The following CRLF2 variants were observed in gnomAD, a reference collection of about 807,000 sequenced individuals.
CRLF2 encodes the protein cytokine receptor-like factor 2.
CRLF2 carries 41 observed loss-of-function variants against 38.7 expected under a neutral mutation model. That is an observed-to-expected ratio of 1.06 (90% CI 0.83 to 1.37). CRLF2 has a LOEUF of 1.37. CRLF2 is among the 40% of genes most tolerant of loss of function. CRLF2 has a pLI of 0.00. For missense variants in CRLF2, 377 were observed against 322.2 expected (o/e 1.17, Z -1.30); for synonymous variants, 140 against 128.8 (o/e 1.09, Z -0.59).
At chrX:1,196,549 G>A (rs1336065996) in intron 6 of CRLF2, among the ~76,000 whole-genome samples, 6 of 151,660 alleles carry the variant, frequency 4.0e-5, no homozygotes, top group African/African-American at 1.2e-4. Context: ...TCTCGAACTC[G>A]TGACCTCGTG....
chrX:1,198,871 G>A (rs1248232456), intron 4 of CRLF2, 147 bp from the exon 5 acceptor site: 44 of 789,374 alleles, frequency 5.6e-5, no homozygotes, highest in East Asian at 3.8e-4. Context: ...CCGCGAGGCC[G>A]GACACAGTGG....
At chrX:1,199,496 T>G (rs2086562424) in intron 4 of CRLF2, among the ~76,000 whole-genome samples, 1 of 152,026 alleles carries the variant, frequency 6.6e-6, no homozygotes, top group Non-Finnish European at 1.5e-5. Context: ...AGATGAGGTT[T>G]CACCACGTTG....
chrX:1,198,919 C>T (rs1454186947), intron 4 of CRLF2, 195 bp from the exon 5 acceptor site: 41 of 621,388 alleles, frequency 6.6e-5, no homozygotes, highest in East Asian at 3.1e-4. Context: ...GAGGCTGAGG[C>T]GGGTGGATCA....
intron 3 of CRLF2, among the ~76,000 whole-genome samples, chrX:1,203,719 G>C (rs1429316408): frequency 6.6e-6 from 1 of 152,132 alleles, no homozygotes; most frequent in African/African-American, 2.4e-5. Flanking sequence ...AGGGAATGCG[G>C]CTCTCAGAAA....
At chrX:1,209,940 A>G (rs1194757661) in intron 1 of CRLF2, among the ~76,000 whole-genome samples, 3 of 151,606 alleles carry the variant, frequency 2.0e-5, no homozygotes, top group Non-Finnish European at 4.4e-5. Flanking sequence ...CGTCTCTACT[A>G]AAAACACAAA....
chrX:1,207,585 G>A (rs1284424722), intron 2 of CRLF2, among the ~76,000 whole-genome samples: 1 of 145,158 alleles, frequency 6.9e-6, no homozygotes, highest in Non-Finnish European at 1.5e-5. Context: ...TTTTACAGAG[G>A]AAGAAACTGA....
intron 1 of CRLF2, among the ~76,000 whole-genome samples, chrX:1,211,449 GTGGATGGA>G (rs2086799403): frequency 4.0e-5 from 5 of 125,914 alleles, no homozygotes; most frequent in Admixed American, 3.4e-4. Flanking sequence ...GGATGTATTG[GTGGATGGA>G]TGGGTGGATG....
At chrX:1,206,321 G>A (rs1420781342) in intron 3 of CRLF2, 112 bp downstream of exon 3, 1 of 949,680 alleles carries the variant, frequency 1.1e-6, no homozygotes, top group South Asian at 1.4e-5. Flanking sequence ...CTTCTCAATA[G>A]TTAACGGTAA....
At chrX:1,199,438 C>T (rs2086561510) in intron 4 of CRLF2, among the ~76,000 whole-genome samples, 1 of 151,940 alleles carries the variant, frequency 6.6e-6, no homozygotes, top group South Asian at 2.1e-4. Context: ...CCGAGTAGCT[C>T]GGATTACAGG....
At chrX:1,195,448 C>A (rs2086458079) in intron 6 of CRLF2, among the ~76,000 whole-genome samples, 64 of 151,874 alleles carry the variant, frequency 4.2e-4, no homozygotes. Flanking sequence ...TGCTCTGTCA[C>A]CCAGGGTGGA....
At chrX:1,201,509 G>A (rs2086605416) in intron 4 of CRLF2, among the ~76,000 whole-genome samples, 1 of 148,546 alleles carries the variant, frequency 6.7e-6, no homozygotes, top group Admixed American at 6.7e-5. Flanking sequence ...ATACATAGAT[G>A]ATAGAGCGAT....
intron 5 of CRLF2, among the ~76,000 whole-genome samples, chrX:1,197,698 C>G (rs1184797962): frequency 6.6e-6 from 1 of 151,878 alleles, no homozygotes; most frequent in Non-Finnish European, 1.5e-5. Context: ...CCTGTAGTCC[C>G]AGCTACTTGG....
At chrX:1,212,233 A>G (rs1319743082) in intron 1 of CRLF2, among the ~76,000 whole-genome samples, 6 of 151,944 alleles carry the variant, frequency 3.9e-5, no homozygotes, top group African/African-American at 1.5e-4. Context: ...ATATCTACCA[A>G]TCAATCAATC....
chrX:1,190,502 A>T lies in CRLF2; in HGVS notation c.*395T>A, dbSNP rs2086357480. On this transcript the variant is annotated 3_prime_UTR_variant, in exon 8 of 8. Transcript: ENST00000400841. Reference sequence around the variant, plus strand: ...TGAGTGAGACTCTGTCTCAAAACAGACAAAAAATCCTCCGAGAATCCAATG... The same window carrying T: ...TGAGTGAGACTCTGTCTCAAAACAGTCAAAAAATCCTCCGAGAATCCAATG... 3.9e-6 allele frequency: 1 copy of T among 254,102 alleles called. No homozygotes were observed. Among genetic ancestry groups the T allele is most frequent in the African/African-American group, 2.2e-5 (1 of 46,208 alleles). 15.7% of individuals were successfully genotyped at this position (254,102 alleles called of 1,614,324 possible).
At chrX:1,211,929 GTGGATGGGTGGATGGATGGATGGA>G (rs2086810116) in intron 1 of CRLF2, among the ~76,000 whole-genome samples, 1 of 140,444 alleles carries the variant, frequency 7.1e-6, no homozygotes. Flanking sequence ...GGATGGATGG[GTGGATGGGTGGATGGATGGATGGA>G]TGGATGATAG....
intron 7 of CRLF2, among the ~76,000 whole-genome samples, chrX:1,192,712 CTTTCTTTCTTTCTTTCTTTCTT>C (rs1440448916): frequency 1.4e-4 from 2 of 13,938 alleles, no homozygotes; most frequent in African/African-American, 7.8e-4. Flanking sequence ...CTTTTCTTTT[CTTTCTTTCTTTCTTTCTTTCTT>C]TCTTTCTTTC....
In CRLF2 at chrX:1,198,782, CAA is replaced by C. The variant is rs1430099805; in HGVS notation, c.484-60_484-59del. On this transcript the variant is annotated intron_variant, in intron 4 of 7. Transcript: ENST00000400841. ...ACACACACACACACACACACACACA[CAA>C]TGATTAGTGATGTAACCTGTCTGTC... 14 of 1,302,546 alleles carry C rather than the reference CAA, an allele frequency of 1.1e-5. No individual in the cohort carries two copies. In the African/African-American group the frequency reaches 2.0e-4, roughly 18 times the overall value. 80.7% of individuals were successfully genotyped at this position (1,302,546 alleles called of 1,614,324 possible). A position where few individuals can be genotyped will look rare whatever the true frequency, so the allele number is the denominator to read the frequency against.
intron 7 of CRLF2, 90 bp from the exon 8 acceptor site, chrX:1,191,250 T>C: frequency 2.5e-6 from 1 of 398,922 alleles, no homozygotes; most frequent in Non-Finnish European, 4.4e-6. Flanking sequence ...ACCACAGACA[T>C]CCCTGGACAT....
rs1401668693 is a variant in CRLF2, at chrX:1,196,868, G to T, written c.679C>A (p.Pro227Thr). The change falls in exon 6 of 8, where the codon CCA becomes ACA. Residue 227 changes from proline to threonine, a missense_variant. By Grantham distance (38) the Pro-to-Thr change is conservative. Coordinates refer to ENST00000400841, the MANE Select transcript of CRLF2 (RefSeq NM_022148.4). ...ATTAAAATAAATTTGGACAGCTTTGGTTTGGGAGGCGTTGGTGTCTCTGCA... is the reference window on the plus strand; with the variant it reads ...ATTAAAATAAATTTGGACAGCTTTGTTTTGGGAGGCGTTGGTGTCTCTGCA... ...ACAETPTPPK[P>T]KLSKFILISS... The T allele has an allele frequency of 4.3e-6, 7 of 1,613,490 alleles. No individual in the cohort carries two copies. The highest frequency in any genetic ancestry group is 5.9e-6 in the Non-Finnish European group (7 of 1,179,688).
Sources: gnomAD v4.1 joint callset for allele counts (sites outside exome capture counted in the v4.1 genomes callset) on GRCh38, gnomAD v4.1.1 for gene constraint, MANE v1.5 for transcripts, NCBI Gene and HGNC (gene_info 2026-07-23, HGNC 2026-07-21) for gene names.